The following CWC27 variants were observed in gnomAD, a reference collection of about 807,000 sequenced individuals.
CWC27 encodes the protein CWC27 spliceosome associated cyclophilin.
CWC27 carries 47 observed loss-of-function variants against 63.6 expected under a neutral mutation model. The observed-to-expected ratio is 0.74, with a 90% CI of 0.58 to 0.94. The LOEUF is 0.94. CWC27 is among the 40% of genes least tolerant of loss of function. The probability of loss-of-function intolerance (pLI) is 0.00; values close to 1 mark genes in which losing one functional copy is unlikely to be tolerated. For synonymous variants in CWC27, 175 were observed against 179.8 expected, an observed-to-expected ratio of 0.97 and a Z score of 0.22; for missense variants, 495 against 554.3, an observed-to-expected ratio of 0.89 and a Z score of 1.07.
rs111297480 is a variant in CWC27, at chr5:64,973,466, G to A, written c.1152+1654G>A. Among the ~76,000 whole-genome samples, 1,264 of 152,290 alleles carry A rather than the reference G, an allele frequency of 8.3e-3. 14 individuals are homozygous for A. The highest frequency in any genetic ancestry group is 0.027 in the African/African-American group (1,135 of 41,564). ...GCTTCTACATTCTGGGAAGGCTCTC[G>A]CTGTGCTGAAAGAGCATTCCTGGAA... On this transcript the variant is annotated intron_variant, in intron 12 of 13. Transcript: ENST00000381070.
chr5:64,853,018 C>T (rs928914354), intron 10 of CWC27, among the ~76,000 whole-genome samples: 2 of 152,052 alleles, frequency 1.3e-5, no homozygotes, highest in African/African-American at 4.8e-5. Context: ...TGGCATTCTC[C>T]CCTAACTCCT....
At chr5:64,837,506 C>CTTT (rs561589444) in intron 10 of CWC27, among the ~76,000 whole-genome samples, 1 of 144,620 alleles carries the variant, frequency 6.9e-6, no homozygotes. Flanking sequence ...AACTCATTCT[C>CTTT]TTTTTTTTTT....
intron 1 of CWC27, among the ~76,000 whole-genome samples, chr5:64,770,675 A>G (rs918846385): frequency 2.6e-5 from 4 of 152,242 alleles, no homozygotes; most frequent in Non-Finnish European, 4.4e-5. Context: ...AGAGACAAGC[A>G]TCTGGAACAG....
chr5:64,775,703 T>G (rs1743417267), intron 2 of CWC27, among the ~76,000 whole-genome samples: 1 of 152,168 alleles, frequency 6.6e-6, no homozygotes, highest in Admixed American at 6.5e-5. Flanking sequence ...TTTTCTTTTT[T>G]TAAAATGCTG....
intron 11 of CWC27, among the ~76,000 whole-genome samples, chr5:64,944,804 A>C (rs1748556231): frequency 6.6e-6 from 1 of 152,150 alleles, no homozygotes; most frequent in Admixed American, 6.6e-5. Context: ...GACCTCTGAA[A>C]GTCTATTCTC....
chr5:64,886,872 C>A (rs1747082707), intron 11 of CWC27, among the ~76,000 whole-genome samples: 1 of 151,746 alleles, frequency 6.6e-6, no homozygotes, highest in Non-Finnish European at 1.5e-5. Context: ...AAAATGTAAC[C>A]CAGAATAGAA....
rs6449760 is a variant in CWC27, at chr5:64,800,343, G to A, written c.749+16G>A. On this transcript the variant is annotated intron_variant, in intron 8 of 13. Coordinates refer to ENST00000381070, the MANE Select transcript of CWC27 (RefSeq NM_005869.4). ...TTGTAGAAAGGTTAGTCCATTGTTG[G>A]TATGATCCTAAGTTCTTAATTTTCT... 5 of 1,564,040 alleles carry A rather than the reference G, an allele frequency of 3.2e-6. No individual in the cohort carries two copies. In the South Asian group the frequency reaches 4.5e-5, roughly 14 times the overall value.
At chr5:64,936,054 A>G (rs1418049757) in intron 11 of CWC27, among the ~76,000 whole-genome samples, 2 of 152,316 alleles carry the variant, frequency 1.3e-5, no homozygotes, top group South Asian at 2.1e-4. Context: ...AACAGGGACA[A>G]TTTGACTTCC....
chr5:64,897,479 A>C (rs1747406224), intron 11 of CWC27, among the ~76,000 whole-genome samples: 1 of 152,188 alleles, frequency 6.6e-6, no homozygotes, highest in Non-Finnish European at 1.5e-5. Flanking sequence ...GCAAACTGTC[A>C]CAAGGACAGA....
intron 10 of CWC27, among the ~76,000 whole-genome samples, chr5:64,810,031 G>A (rs1025659552): frequency 3.3e-5 from 5 of 151,964 alleles, no homozygotes; most frequent in Admixed American, 6.6e-5. Context: ...ACAGTTTCAG[G>A]CCTTATCCGT....
At chr5:64,775,840 G>A (rs544313056) in intron 2 of CWC27, among the ~76,000 whole-genome samples, 6 of 152,006 alleles carry the variant, frequency 3.9e-5, no homozygotes, top group South Asian at 4.2e-4. Context: ...TATCTCCAGC[G>A]GTGGCAAATC....
intron 10 of CWC27, among the ~76,000 whole-genome samples, chr5:64,868,086 C>T (rs1239611845): frequency 6.6e-6 from 1 of 151,960 alleles, no homozygotes; most frequent in Non-Finnish European, 1.5e-5. Context: ...GTATCAGCCA[C>T]AAAGCTAATA....
chr5:64,977,890 T>C (rs1749257075), intron 13 of CWC27, among the ~76,000 whole-genome samples: 4 of 151,926 alleles, frequency 2.6e-5, no homozygotes, highest in Admixed American at 2.6e-4. Flanking sequence ...ATGCAGTGTA[T>C]TAAGCCTCCC....
chr5:64,999,104 C>T (rs557266500), intron 13 of CWC27, among the ~76,000 whole-genome samples: 189 of 152,004 alleles, frequency 1.2e-3, no homozygotes, highest in African/African-American at 4.3e-3. Context: ...AGCTCATTCA[C>T]ATTTTGTCTG....
intron 13 of CWC27, among the ~76,000 whole-genome samples, chr5:65,010,563 A>G (rs1371340073): frequency 6.6e-6 from 1 of 152,242 alleles, no homozygotes; most frequent in African/African-American, 2.4e-5. Flanking sequence ...CTGTCAACAC[A>G]GTACACTAAC....
chr5:64,854,274 CA>C (rs1746202457), intron 10 of CWC27, among the ~76,000 whole-genome samples: 1 of 152,176 alleles, frequency 6.6e-6, no homozygotes, highest in Non-Finnish European at 1.5e-5. Flanking sequence ...CGTGTGTGTG[CA>C]AAAATCTTCA....
At chr5:64,924,519 A>G (rs1001770395) in intron 11 of CWC27, among the ~76,000 whole-genome samples, 2 of 152,238 alleles carry the variant, frequency 1.3e-5, no homozygotes, top group African/African-American at 4.8e-5. Flanking sequence ...GTATATCTGC[A>G]GCAGCCTCTT....
intron 10 of CWC27, among the ~76,000 whole-genome samples, chr5:64,840,293 G>A (rs934284779): frequency 6.9e-6 from 1 of 144,692 alleles, no homozygotes; most frequent in Non-Finnish European, 1.5e-5. Context: ...CCCAAGGACT[G>A]AGCAGAAGGA....
intron 11 of CWC27, among the ~76,000 whole-genome samples, chr5:64,897,996 T>C (rs1388266786): frequency 1.3e-5 from 2 of 152,190 alleles, no homozygotes; most frequent in African/African-American, 4.8e-5. Flanking sequence ...TGTAAAAATT[T>C]AATAAGAATG....
Sources: gnomAD v4.1 joint callset for allele counts (sites outside exome capture counted in the v4.1 genomes callset) on GRCh38, gnomAD v4.1.1 for gene constraint, MANE v1.5 for transcripts, NCBI Gene and HGNC (gene_info 2026-07-23, HGNC 2026-07-21) for gene names.